The following ASXL3 variants were observed in gnomAD, a reference collection of about 807,000 sequenced individuals.
ASXL3 encodes the protein putative Polycomb group protein ASXL3.
In ASXL3, 34 loss-of-function variants were observed where a neutral mutation model predicts 170.6. The ratio of observed to expected loss-of-function variants is 0.20; its 90% CI spans 0.15 to 0.27. The LOEUF is 0.27. Among genes scored for constraint, ASXL3 ranks in the 10% least tolerant of loss-of-function variants. The pLI is 1.00. For synonymous variants in ASXL3, 1,002 were observed against 989.1 expected, an observed-to-expected ratio of 1.01 and a Z score of -0.24; for missense variants, 2,592 against 2,695.3, an observed-to-expected ratio of 0.96 and a Z score of 0.85.
At chr18:33,635,348 T>G (rs981337802) in intron 2 of ASXL3, among the ~76,000 whole-genome samples, 1 of 152,192 alleles carries the variant, frequency 6.6e-6, no homozygotes, top group South Asian at 2.1e-4. Flanking sequence ...AGGTTGATCT[T>G]CAACATGACC....
At chr18:33,582,613 A>G (rs925536754) in intron 1 of ASXL3, among the ~76,000 whole-genome samples, 11 of 152,108 alleles carry the variant, frequency 7.2e-5, no homozygotes, top group Non-Finnish European at 1.2e-4. Context: ...CTATTTCAAT[A>G]GCTTTGTGCT....
intron 8 of ASXL3, among the ~76,000 whole-genome samples, chr18:33,702,653 T>TTA (rs1191892907): frequency 8.5e-5 from 13 of 152,304 alleles, no homozygotes; most frequent in African/African-American, 3.1e-4. Flanking sequence ...AGGAGTTTGT[T>TTA]TATATTTGGT....
At position 33,657,198 on chromosome 18, in the gene ASXL3, C is replaced by T. The variant is rs142988350; in HGVS notation, c.356-4418C>T. 7.2e-5 allele frequency among the ~76,000 whole-genome samples: 11 copies of T among 152,166 alleles called. No individual in the cohort carries two copies. The East Asian group carries it at 1.9e-3, about 27-fold the overall frequency. On this transcript the variant is annotated intron_variant, in intron 4 of 11. Coordinates refer to ENST00000269197, the MANE Select transcript of ASXL3 (RefSeq NM_030632.3). The stretch of plus-strand genomic sequence containing the variant: ...TGGGGGAAGCTGTTCAGAATTTGGA[C>T]TGCCAAGATGAGTTTGCCAGGCAGA...
chr18:33,710,524 G>T (rs2067040787), intron 8 of ASXL3, among the ~76,000 whole-genome samples: 1 of 152,146 alleles, frequency 6.6e-6, no homozygotes, highest in East Asian at 1.9e-4. Context: ...TTGTTCTTCT[G>T]AATGTGTGCT....
At chr18:33,600,749 A>G (rs1382612320) in intron 1 of ASXL3, among the ~76,000 whole-genome samples, 1 of 152,176 alleles carries the variant, frequency 6.6e-6, no homozygotes, top group Non-Finnish European at 1.5e-5. Flanking sequence ...CTGCAAATTC[A>G]GGGAATGACC....
At chr18:33,715,676 T>A (rs1288843039) in intron 8 of ASXL3, among the ~76,000 whole-genome samples, 1 of 152,172 alleles carries the variant, frequency 6.6e-6, no homozygotes, top group East Asian at 1.9e-4. Context: ...TTGGGAAGGA[T>A]AATGTTTTAA....
intron 2 of ASXL3, among the ~76,000 whole-genome samples, chr18:33,623,146 C>T (rs748937014): frequency 2.0e-5 from 3 of 152,154 alleles, no homozygotes; most frequent in Non-Finnish European, 4.4e-5. Flanking sequence ...CATAGCACCT[C>T]CTTGTGAAGA....
At chr18:33,645,595 A>G (rs1257629469) in intron 3 of ASXL3, among the ~76,000 whole-genome samples, 1 of 152,026 alleles carries the variant, frequency 6.6e-6, no homozygotes, top group Non-Finnish European at 1.5e-5. Flanking sequence ...GGGAAATGCC[A>G]CCTGAAATGC....
intron 4 of ASXL3, among the ~76,000 whole-genome samples, chr18:33,649,073 T>C: frequency 6.6e-6 from 1 of 150,486 alleles, no homozygotes; most frequent in Non-Finnish European, 1.5e-5. Context: ...GGGGAAGGAG[T>C]GGAATGGGAA....
intron 5 of ASXL3, among the ~76,000 whole-genome samples, chr18:33,665,660 A>G (rs2066244743): frequency 6.6e-6 from 1 of 152,078 alleles, no homozygotes; most frequent in Non-Finnish European, 1.5e-5. Flanking sequence ...TTGAAGTTTT[A>G]TTTTATTTTT....
At chr18:33,694,564 A>G (rs1469640019) in intron 8 of ASXL3, among the ~76,000 whole-genome samples, 6 of 151,592 alleles carry the variant, frequency 4.0e-5, no homozygotes, top group African/African-American at 9.7e-5. Context: ...GCAAATATTT[A>G]TAAGACCATC....
chr18:33,660,865 G>T (rs2066162078), intron 4 of ASXL3, among the ~76,000 whole-genome samples: 1 of 152,132 alleles, frequency 6.6e-6, no homozygotes, highest in Admixed American at 6.6e-5. Flanking sequence ...CTCAAACATA[G>T]GTTTCAGAGA....
intron 1 of ASXL3, among the ~76,000 whole-genome samples, chr18:33,597,274 G>A (rs1035364154): frequency 4.6e-5 from 7 of 151,934 alleles, no homozygotes; most frequent in African/African-American, 1.7e-4. Flanking sequence ...TGGTGTACAT[G>A]TATATGTACA....
chr18:33,638,928 G>C (rs910336753), intron 2 of ASXL3, among the ~76,000 whole-genome samples: 6 of 152,156 alleles, frequency 3.9e-5, no homozygotes, highest in African/African-American at 1.4e-4. Context: ...ACATGTGACA[G>C]ACTATGGACG....
At position 33,634,130 on chromosome 18, in the gene ASXL3, G is replaced by T. The variant is rs959875570; in HGVS notation, c.138-10764G>T. ...TAACTGGGTATAATGATGTACTTTTGCACTTTCCATGTAATTACATTTGCT... is the reference window on the plus strand; with the variant it reads ...TAACTGGGTATAATGATGTACTTTTTCACTTTCCATGTAATTACATTTGCT... On this transcript the variant is annotated intron_variant, in intron 2 of 11. Coordinates refer to ENST00000269197, the MANE Select transcript of ASXL3 (RefSeq NM_030632.3). 8.5e-5 allele frequency among the ~76,000 whole-genome samples: 13 copies of T among 152,216 alleles called. No individual in the cohort carries two copies. In the South Asian group the frequency reaches 1.0e-3, roughly 12 times the overall value.
At chr18:33,696,416 CT>C (rs1433989051) in intron 8 of ASXL3, among the ~76,000 whole-genome samples, 8 of 152,096 alleles carry the variant, frequency 5.3e-5, no homozygotes, top group African/African-American at 1.9e-4. Context: ...GTGACATTGG[CT>C]TTTCCCCATT....
chr18:33,646,999 A>G (rs549194563), intron 4 of ASXL3, among the ~76,000 whole-genome samples: 1 of 151,758 alleles, frequency 6.6e-6, no homozygotes, highest in East Asian at 2.0e-4. Context: ...ATTTTGGCAA[A>G]TCTTTGTCCC....
intron 2 of ASXL3, among the ~76,000 whole-genome samples, chr18:33,620,976 T>A (rs182168576): frequency 6.0e-4 from 92 of 152,260 alleles, no homozygotes; most frequent in African/African-American, 2.2e-3. Context: ...TTTACTGTTG[T>A]TTATTACTAT....
chr18:33,679,371 A>G (rs1305446262), intron 7 of ASXL3, among the ~76,000 whole-genome samples: 3 of 151,968 alleles, frequency 2.0e-5, no homozygotes, highest in Admixed American at 6.5e-5. Flanking sequence ...CATACCCAAC[A>G]TCTCAACTCA....
Sources: gnomAD v4.1 joint callset for allele counts (sites outside exome capture counted in the v4.1 genomes callset) on GRCh38, gnomAD v4.1.1 for gene constraint, MANE v1.5 for transcripts, NCBI Gene and HGNC (gene_info 2026-07-23, HGNC 2026-07-21) for gene names.